CADPS: variants seen among roughly 807,000 people sequenced by gnomAD.
CADPS encodes calcium-dependent secretion activator 1.
A neutral mutation model predicts 167.3 loss-of-function variants in CADPS; 57 were observed. The ratio of observed to expected loss-of-function variants is 0.34; its 90% CI spans 0.28 to 0.42. CADPS has a LOEUF of 0.42. CADPS is among the 20% of genes least tolerant of loss of function. The pLI, the probability that CADPS is intolerant of heterozygous loss-of-function variation, is 1.00. For missense variants in CADPS, 1,414 were observed against 1,738.1 expected, an observed-to-expected ratio of 0.81 and a Z score of 3.32; for synonymous variants, 676 against 635.3, an observed-to-expected ratio of 1.06 and a Z score of -0.96.
intron 3 of CADPS, among the ~76,000 whole-genome samples, chr3:62,687,272 T>C (rs1048222177): frequency 2.0e-5 from 3 of 152,044 alleles, no homozygotes; most frequent in African/African-American, 7.3e-5. Context: ...ACCACTCGAA[T>C]CAAGGAAAGA....
At chr3:62,725,924 T>C (rs990665520) in intron 3 of CADPS, among the ~76,000 whole-genome samples, 3 of 151,774 alleles carry the variant, frequency 2.0e-5, no homozygotes, top group African/African-American at 7.3e-5. Context: ...CATTGAGTCA[T>C]AAGCAGTTTG....
chr3:62,712,435 T>C (rs1370923692), intron 3 of CADPS, among the ~76,000 whole-genome samples: 2 of 152,232 alleles, frequency 1.3e-5, no homozygotes, highest in African/African-American at 4.8e-5. Flanking sequence ...TTCATTTCTT[T>C]GTGTACTCAC....
intron 21 of CADPS, 124 bp from the exon 22 acceptor site, chr3:62,481,993 C>T (rs142238557): frequency 6.0e-5 from 54 of 893,800 alleles, no homozygotes; most frequent in East Asian, 5.0e-4. Context: ...AAAACTCAAG[C>T]GACACACTTC....
At chr3:62,403,672 G>C (rs1707252183) in intron 28 of CADPS, 1 of 152,258 alleles carries the variant, frequency 6.6e-6, no homozygotes, top group African/African-American at 2.4e-5. Flanking sequence ...ATTGGGCTGA[G>C]AGCCTTAGGA....
chr3:62,803,949 C>T (rs533158167), intron 1 of CADPS, among the ~76,000 whole-genome samples: 19 of 152,158 alleles, frequency 1.2e-4, no homozygotes, highest in African/African-American at 4.6e-4. Context: ...CCTAGGTACC[C>T]TTTCCCACAT....
chr3:62,677,720 C>A (rs1199384355), intron 3 of CADPS, among the ~76,000 whole-genome samples: 3 of 152,110 alleles, frequency 2.0e-5, no homozygotes, highest in Admixed American at 6.6e-5. Context: ...ATTAAACTGA[C>A]AATGGAGGCT....
intron 3 of CADPS, among the ~76,000 whole-genome samples, chr3:62,719,529 A>G (rs1355598469): frequency 2.0e-5 from 3 of 152,210 alleles, no homozygotes; most frequent in East Asian, 3.9e-4. Context: ...GTCTTCCTCA[A>G]TGATCTGTAT....
At chr3:62,764,710 A>G (rs573632819) in intron 2 of CADPS, among the ~76,000 whole-genome samples, 1 of 152,338 alleles carries the variant, frequency 6.6e-6, no homozygotes, top group South Asian at 2.1e-4. Flanking sequence ...TATTGAAAGC[A>G]TCTGTTGTGG....
At chr3:62,429,133 G>T (rs183635426) in intron 28 of CADPS, among the ~76,000 whole-genome samples, 1 of 151,170 alleles carries the variant, frequency 6.6e-6, no homozygotes, top group African/African-American at 2.5e-5. Context: ...CTTTTGTTTC[G>T]TGTGTGTGTA....
At chr3:62,541,434 G>C (rs1157804889) in intron 11 of CADPS, among the ~76,000 whole-genome samples, 1 of 152,110 alleles carries the variant, frequency 6.6e-6, no homozygotes, top group Non-Finnish European at 1.5e-5. Flanking sequence ...ACTAAGCTTG[G>C]ATGGATAACG....
At position 62,481,939 on chromosome 3, in the gene CADPS, A is replaced by G. The variant is rs1576618125; in HGVS notation, c.3027-70T>C. ...AATGCAGATGTGGCAGAAGCACACG[A>G]CAATTGTAAATAAATTGACCAAGTC... On this transcript the variant is annotated intron_variant, in intron 21 of 29. Transcript: ENST00000383710. 4.1e-6 allele frequency: 6 copies of G among 1,447,884 alleles called. No individual in the cohort carries two copies. The East Asian group carries it at 1.2e-4, about 28-fold the overall frequency. The allele number at this position is 1,447,884 out of a possible 1,614,324, so 89.7% of individuals were successfully genotyped here. A position where few individuals can be genotyped will look rare whatever the true frequency, so the allele number is the denominator to read the frequency against.
At chr3:62,459,557 C>A (rs754613931) in intron 26 of CADPS, among the ~76,000 whole-genome samples, 2 of 152,176 alleles carry the variant, frequency 1.3e-5, no homozygotes, top group African/African-American at 4.8e-5. Flanking sequence ...CTTTGCCAAG[C>A]AAAACTCTAC....
chr3:62,787,390 T>TATTC (rs1384491483), intron 1 of CADPS, among the ~76,000 whole-genome samples: 1 of 152,198 alleles, frequency 6.6e-6, no homozygotes, highest in African/African-American at 2.4e-5. Context: ...TACTGAAGCA[T>TATTC]ATTCAAGCAT....
intron 13 of CADPS, among the ~76,000 whole-genome samples, chr3:62,520,111 A>C (rs1392428347): frequency 6.6e-6 from 1 of 152,208 alleles, no homozygotes; most frequent in Non-Finnish European, 1.5e-5. Context: ...TTTACAGTTC[A>C]GAAAAGGTTT....
Position 62,874,526 on chromosome 3 carries a change from T to G in CADPS, c.441+63A>C. On this transcript the variant is annotated intron_variant, in intron 1 of 29. Transcript: ENST00000383710. The surrounding 1 kb of genome is among the most constrained non-coding windows in gnomAD (Gnocchi z 7.1). ...CGCCAGCTGCGCCGCCAGCTCCCAT[T>G]GTTCACCCCGCCCGCCTGGCGACGT... 7.6e-7 allele frequency: 1 copy of G among 1,319,294 alleles called. No homozygotes were observed. 81.7% of individuals were successfully genotyped at this position (1,319,294 alleles called of 1,614,324 possible). A position where few individuals can be genotyped will look rare whatever the true frequency, so the allele number is the denominator to read the frequency against.
rs139093687 is a variant in CADPS, at chr3:62,720,337, G to GT, written c.888+33103dup. On this transcript the variant is annotated intron_variant, in intron 3 of 29. Coordinates refer to ENST00000383710, the MANE Select transcript of CADPS (RefSeq NM_003716.4). ...CATTTTTGCTTTTGTTTGTTTGTTTGTTTGTTTTTTTTTGAAACACGGTAT... is the reference window on the plus strand; with the variant it reads ...CATTTTTGCTTTTGTTTGTTTGTTTGTTTTGTTTTTTTTTGAAACACGGTAT... Among the ~76,000 whole-genome samples the GT allele has an allele frequency of 4.3e-3, 588 of 137,656 alleles. 5 individuals carry two copies. Among genetic ancestry groups the GT allele is most frequent in the African/African-American group, 0.013 (429 of 33,864 alleles). The allele number at this position is 137,656 out of a possible 152,430, so 90.3% of individuals were successfully genotyped here.
rs763095162 is a variant in CADPS at position 62,753,555 on chromosome 3, C to T, written c.774G>A (p.Met258Ile). The change falls in exon 3 of 30, where the codon ATG (methionine) becomes ATA (isoleucine). Residue 258 changes from methionine to isoleucine, a missense_variant. By Grantham distance (10) the Met-to-Ile change is conservative. Transcript: ENST00000383710. The surrounding 1 kb of genome is among the most constrained non-coding windows in gnomAD (Gnocchi z 4.6). ...EEDPRKQQAR[M>I]TASAASELIL... ...TCAGCTCGGAGGCTGCGCTGGCTGT[C>T]ATCCGGGCCTGCTGCTTCCGCGGGT... 10 of 1,614,116 alleles carry T rather than the reference C, an allele frequency of 6.2e-6. No homozygotes were observed. The South Asian group carries it at 6.6e-5, about 11-fold the overall frequency.
chr3:62,740,082 T>C (rs1210377806), intron 3 of CADPS, among the ~76,000 whole-genome samples: 1 of 152,244 alleles, frequency 6.6e-6, no homozygotes, highest in Non-Finnish European at 1.5e-5. Context: ...GGGGTTCTGT[T>C]GACCTAGACT....
At chr3:62,427,569 A>T (rs1246948409) in intron 28 of CADPS, among the ~76,000 whole-genome samples, 1 of 152,106 alleles carries the variant, frequency 6.6e-6, no homozygotes, top group Non-Finnish European at 1.5e-5. Flanking sequence ...TGCCAGTAAC[A>T]TGCCCCCAAC....
Sources: allele counts gnomAD v4.1 joint callset (sites outside exome capture counted in the v4.1 genomes callset), GRCh38; gene constraint gnomAD v4.1.1; non-coding constraint Gnocchi (gnomAD v3.1); transcripts MANE v1.5; gene names NCBI Gene and HGNC (gene_info 2026-07-23, HGNC 2026-07-21).